Variants in PTPRT observed in about 807,000 individuals in gnomAD.
PTPRT encodes the protein protein tyrosine phosphatase receptor type T.
A neutral mutation model predicts 176.8 loss-of-function variants in PTPRT; 56 were observed. The observed-to-expected ratio is 0.32, with a 90% CI of 0.26 to 0.40. The LOEUF is 0.40. Ranked by LOEUF, PTPRT falls within the 10% of genes least tolerant of loss-of-function variation. The probability of loss-of-function intolerance (pLI) is 1.00; values close to 1 mark genes in which losing one functional copy is unlikely to be tolerated. For missense variants in PTPRT, 1,540 were observed against 1,908.2 expected, an observed-to-expected ratio of 0.81 and a Z score of 3.60; for synonymous variants, 783 against 739.0, an observed-to-expected ratio of 1.06 and a Z score of -0.96.
intron 1 of PTPRT, among the ~76,000 whole-genome samples, chr20:43,051,354 C>T (rs1987033783): frequency 6.6e-6 from 1 of 152,142 alleles, no homozygotes; most frequent in African/African-American, 2.4e-5. Flanking sequence ...GAATTGAATG[C>T]ATTCTGTGCA....
chr20:42,882,676 G>C (rs1341456171), intron 2 of PTPRT, among the ~76,000 whole-genome samples: 1 of 152,150 alleles, frequency 6.6e-6, no homozygotes, highest in African/African-American at 2.4e-5. Flanking sequence ...TTAGTACATA[G>C]GATGTCTGAT....
chr20:42,314,335 T>C (rs2057682130), intron 12 of PTPRT, among the ~76,000 whole-genome samples: 1 of 152,042 alleles, frequency 6.6e-6, no homozygotes, highest in Admixed American at 6.6e-5. Flanking sequence ...GAGACCATCC[T>C]GGCTAACACG....
chr20:42,305,954 T>C (rs1274506136), intron 12 of PTPRT, among the ~76,000 whole-genome samples: 1 of 152,196 alleles, frequency 6.6e-6, no homozygotes, highest in Non-Finnish European at 1.5e-5. Context: ...TGCTGCTATA[T>C]AGAAACTGAG....
intron 1 of PTPRT, among the ~76,000 whole-genome samples, chr20:43,062,599 A>C (rs1170588666): frequency 6.6e-6 from 1 of 152,246 alleles, no homozygotes; most frequent in Non-Finnish European, 1.5e-5. Flanking sequence ...TGCAGCATGC[A>C]ATCACGTTAA....
chr20:42,754,269 T>G (rs2076800055), intron 6 of PTPRT, among the ~76,000 whole-genome samples: 1 of 152,092 alleles, frequency 6.6e-6, no homozygotes, highest in Non-Finnish European at 1.5e-5. Context: ...CACCACAACC[T>G]CCGTCTCCTG....
chr20:42,787,276 A>G (rs58264323), intron 3 of PTPRT, among the ~76,000 whole-genome samples: 3,939 of 152,280 alleles, frequency 0.026, 65 homozygotes, highest in Middle Eastern at 0.11. Flanking sequence ...GGATGCTCTT[A>G]ATTTCACCAG....
At chr20:42,946,045 T>C (rs1980864940) in intron 1 of PTPRT, among the ~76,000 whole-genome samples, 1 of 152,220 alleles carries the variant, frequency 6.6e-6, no homozygotes, top group Admixed American at 6.5e-5. Context: ...TCATCCACAA[T>C]ATAGCTGGGA....
intron 16 of PTPRT, among the ~76,000 whole-genome samples, chr20:42,168,166 AG>A (rs1989911851): frequency 1.5e-5 from 1 of 65,198 alleles, no homozygotes; most frequent in Non-Finnish European, 3.7e-5. Flanking sequence ...TAGACTGAGG[AG>A]GAGGAGGAGG....
intron 1 of PTPRT, among the ~76,000 whole-genome samples, chr20:42,902,591 G>A (rs957621440): frequency 1.6e-4 from 24 of 152,146 alleles, no homozygotes; most frequent in African/African-American, 5.8e-4. Flanking sequence ...TCAATAATCC[G>A]GAACCATTAG....
intron 7 of PTPRT, among the ~76,000 whole-genome samples, chr20:42,538,084 A>G (rs1486205707): frequency 6.6e-6 from 1 of 152,160 alleles, no homozygotes. Flanking sequence ...GTTCTATTAC[A>G]ATCTTTATCT....
chr20:42,753,518 G>A (rs2076791788), intron 6 of PTPRT, among the ~76,000 whole-genome samples: 1 of 152,170 alleles, frequency 6.6e-6, no homozygotes, highest in Non-Finnish European at 1.5e-5. Context: ...CAGATTACAG[G>A]AAGTGCCAAC....
chr20:42,431,610 CT>C (rs1304649772), intron 9 of PTPRT, among the ~76,000 whole-genome samples: 5 of 152,130 alleles, frequency 3.3e-5, no homozygotes, highest in Non-Finnish European at 7.3e-5. Context: ...TATAGGTGAT[CT>C]TTTTCTCTGA....
At chr20:42,429,677 C>A (rs1191609492) in intron 9 of PTPRT, among the ~76,000 whole-genome samples, 1 of 152,144 alleles carries the variant, frequency 6.6e-6, no homozygotes, top group South Asian at 2.1e-4. Context: ...CTATCCTATG[C>A]CAGGAAGTCT....
rs913162203 is a variant in PTPRT at position 42,935,394 on chromosome 20, C to T, written c.89-49462G>A. Among the ~76,000 whole-genome samples, 5 of 152,144 alleles carry T rather than the reference C, an allele frequency of 3.3e-5. 1 individual carries two copies. In the East Asian group the frequency reaches 7.7e-4, roughly 24 times the overall value. Reference sequence around the variant, plus strand: ...GCCTCAAACAATCCTCCTGCCTTGGCGTCCAAAAGCAATGGGATTACAGAC... The same window carrying T: ...GCCTCAAACAATCCTCCTGCCTTGGTGTCCAAAAGCAATGGGATTACAGAC... On this transcript the variant is annotated intron_variant, in intron 1 of 30. Coordinates refer to ENST00000373187, the MANE Select transcript of PTPRT (RefSeq NM_007050.6).
chr20:42,103,003 G>A (rs2146244671), intron 25 of PTPRT, among the ~76,000 whole-genome samples: 2 of 152,296 alleles, frequency 1.3e-5, no homozygotes, highest in Middle Eastern at 6.8e-3. Flanking sequence ...ATTTGTTTTA[G>A]GGATTGCTAA....
chr20:42,993,866 GA>G (rs2146113830), intron 1 of PTPRT, among the ~76,000 whole-genome samples: 1 of 151,952 alleles, frequency 6.6e-6, no homozygotes, highest in African/African-American at 2.4e-5. Context: ...GTCACACAGC[GA>G]AATAACCAAT....
chr20:42,255,859 G>A (rs1316525330), intron 13 of PTPRT, among the ~76,000 whole-genome samples: 4 of 152,140 alleles, frequency 2.6e-5, no homozygotes, highest in African/African-American at 4.8e-5. Context: ...AAAGCAACCC[G>A]GCTCTCAGGG....
At chr20:43,179,848 G>T (rs903183080) in intron 1 of PTPRT, among the ~76,000 whole-genome samples, 2 of 152,252 alleles carry the variant, frequency 1.3e-5, no homozygotes, top group African/African-American at 2.4e-5. Flanking sequence ...TTCCTGTGGT[G>T]GGCAGCTCCT....
intron 8 of PTPRT, among the ~76,000 whole-genome samples, chr20:42,465,728 T>C (rs2071091794): frequency 6.6e-6 from 1 of 152,190 alleles, no homozygotes; most frequent in Non-Finnish European, 1.5e-5. Context: ...GGTAATATTT[T>C]TTGGAATATA....
Sources: gnomAD v4.1 joint callset for allele counts (sites outside exome capture counted in the v4.1 genomes callset) on GRCh38, gnomAD v4.1.1 for gene constraint, MANE v1.5 for transcripts, NCBI Gene and HGNC (gene_info 2026-07-23, HGNC 2026-07-21) for gene names.